The following LIMS1 variants were observed in gnomAD, a reference collection of about 807,000 sequenced individuals.
LIMS1 encodes LIM zinc finger domain containing 1.
A neutral mutation model predicts 44.1 loss-of-function variants in LIMS1; 18 were observed. That is an observed-to-expected ratio of 0.41 (90% CI 0.28 to 0.61). LIMS1 has a LOEUF of 0.61. Ranked by LOEUF, LIMS1 falls within the 20% of genes least tolerant of loss-of-function variation. LIMS1 has a pLI of 0.32. For synonymous variants in LIMS1, 93 were observed against 149.1 expected (o/e 0.62, Z 2.74); for missense variants, 201 against 422.0 (o/e 0.48, Z 4.59).
At chr2:108,580,483 C>T (rs1210787884) in intron 1 of LIMS1, among the ~76,000 whole-genome samples, 1 of 151,868 alleles carries the variant, frequency 6.6e-6, no homozygotes, top group African/African-American at 2.4e-5. Context: ...GATGACATGA[C>T]CACCCAGAAG....
At chr2:108,684,813 G>GAAATT (rs1184260315) in exon 10 of LIMS1, 3 of 152,110 alleles carry the variant, frequency 2.0e-5, no homozygotes, top group Non-Finnish European at 2.9e-5. Flanking sequence ...AATAGGACAT[G>GAAATT]AAATTAAATT....
At chr2:108,671,466 CAG>C (rs1692159413) in intron 3 of LIMS1, among the ~76,000 whole-genome samples, 1 of 152,078 alleles carries the variant, frequency 6.6e-6, no homozygotes, top group Non-Finnish European at 1.5e-5. Flanking sequence ...TGGTTTTGCC[CAG>C]AAAGAGGCAG....
intron 1 of LIMS1, among the ~76,000 whole-genome samples, chr2:108,572,474 C>T (rs1167910778): frequency 6.6e-6 from 1 of 150,938 alleles, no homozygotes; most frequent in African/African-American, 2.4e-5. Flanking sequence ...CCTCTGCCTC[C>T]CAGATTCATG....
At chr2:108,594,562 G>T (rs551978584) in intron 1 of LIMS1, among the ~76,000 whole-genome samples, 18 of 152,112 alleles carry the variant, frequency 1.2e-4, no homozygotes, top group Admixed American at 4.6e-4. Flanking sequence ...TCTACTGAGC[G>T]TATTCAATAA....
chr2:108,594,240 G>A (rs190561873), intron 1 of LIMS1, among the ~76,000 whole-genome samples: 1 of 152,210 alleles, frequency 6.6e-6, no homozygotes, highest in African/African-American at 2.4e-5. Flanking sequence ...TCTAAGTTAT[G>A]GTGAATTCTG....
chr2:108,610,235 A>C (rs1214528388), intron 1 of LIMS1, among the ~76,000 whole-genome samples: 1 of 151,530 alleles, frequency 6.6e-6, no homozygotes, highest in Non-Finnish European at 1.5e-5. Flanking sequence ...CTAAAAATAG[A>C]GATGGGGTCT....
chr2:108,615,545 T>C (rs1687884252), intron 1 of LIMS1, among the ~76,000 whole-genome samples: 1 of 152,068 alleles, frequency 6.6e-6, no homozygotes, highest in Non-Finnish European at 1.5e-5. Flanking sequence ...TCAAGCAGCT[T>C]TGTGACCAAA....
chr2:108,605,145 C>A (rs1687205721), intron 1 of LIMS1, among the ~76,000 whole-genome samples: 1 of 152,134 alleles, frequency 6.6e-6, no homozygotes, highest in Admixed American at 6.5e-5. Context: ...TGCCTGGAAT[C>A]ATTTCTGGAG....
chr2:108,600,984 A>C (rs1207845437), intron 1 of LIMS1, among the ~76,000 whole-genome samples: 1 of 150,574 alleles, frequency 6.6e-6, no homozygotes, highest in Non-Finnish European at 1.5e-5. Flanking sequence ...CCCAGGCTGG[A>C]GTGCACTGAT....
At chr2:108,551,489 G>A (rs907767480) in intron 1 of LIMS1, among the ~76,000 whole-genome samples, 96 of 111,962 alleles carry the variant, frequency 8.6e-4, no homozygotes, top group East Asian at 4.7e-3. Flanking sequence ...ATGCGCGCGC[G>A]CGCACACACA....
chr2:108,603,882 T>G (rs1687141018), intron 1 of LIMS1, among the ~76,000 whole-genome samples: 1 of 152,208 alleles, frequency 6.6e-6, no homozygotes, highest in Non-Finnish European at 1.5e-5. Context: ...ATTTTGGATT[T>G]GGTTTGCTCT....
intron 9 of LIMS1, among the ~76,000 whole-genome samples, chr2:108,682,857 G>T (rs1225805496): frequency 6.6e-6 from 1 of 152,144 alleles, no homozygotes; most frequent in African/African-American, 2.4e-5. Context: ...AATGCTACCT[G>T]AATATAATTT....
intron 1 of LIMS1, among the ~76,000 whole-genome samples, chr2:108,624,081 G>A (rs890975381): frequency 1.3e-5 from 2 of 152,164 alleles, no homozygotes; most frequent in African/African-American, 2.4e-5. Context: ...GTACAGTGGA[G>A]CATTACCCAC....
intron 1 of LIMS1, among the ~76,000 whole-genome samples, chr2:108,608,066 A>G (rs1687371436): frequency 6.6e-6 from 1 of 152,212 alleles, no homozygotes; most frequent in South Asian, 2.1e-4. Context: ...ACCTCAAGAA[A>G]TAACACCTTA....
chr2:108,613,369 G>T (rs1291137558), intron 1 of LIMS1, among the ~76,000 whole-genome samples: 1 of 152,132 alleles, frequency 6.6e-6, no homozygotes, highest in Non-Finnish European at 1.5e-5. Flanking sequence ...AGTACATCTG[G>T]CTCATGCTGT....
At chr2:108,670,679 A>G in intron 2 of LIMS1, 102 bp from the exon 3 acceptor site, 1 of 732,166 alleles carries the variant, frequency 1.4e-6, no homozygotes. Context: ...TTAGAGTAGA[A>G]CTCTTAGTTT....
At chr2:108,664,566 G>T (rs1004949838) in intron 2 of LIMS1, among the ~76,000 whole-genome samples, 1 of 152,218 alleles carries the variant, frequency 6.6e-6, no homozygotes, top group African/African-American at 2.4e-5. Flanking sequence ...GTAATGTGTA[G>T]TTACCTAGAA....
At chr2:108,570,153 G>A (rs1005054588) in intron 1 of LIMS1, among the ~76,000 whole-genome samples, 20 of 151,990 alleles carry the variant, frequency 1.3e-4, no homozygotes, top group Middle Eastern at 3.2e-3. Context: ...ATACTAGGCC[G>A]GGAATGGTGG....
intron 1 of LIMS1, among the ~76,000 whole-genome samples, chr2:108,629,992 A>C (rs1028158481): frequency 6.6e-6 from 1 of 152,192 alleles, no homozygotes; most frequent in African/African-American, 2.4e-5. Flanking sequence ...CAGGAGTTCA[A>C]GACCAGACTG....
Sources: gnomAD v4.1 joint callset for allele counts (sites outside exome capture counted in the v4.1 genomes callset) on GRCh38, gnomAD v4.1.1 for gene constraint, MANE v1.5 for transcripts, NCBI Gene and HGNC (gene_info 2026-07-23, HGNC 2026-07-21) for gene names.